PABPC1L: variants seen among roughly 807,000 people sequenced by gnomAD.
PABPC1L encodes the protein polyadenylate-binding protein 1-like.
A neutral mutation model predicts 66.6 loss-of-function variants in PABPC1L; 31 were observed. The ratio of observed to expected loss-of-function variants is 0.47; its 90% CI spans 0.35 to 0.63. The LOEUF is 0.63. Among genes scored for constraint, PABPC1L ranks in the 20% least tolerant of loss-of-function variants. The probability of loss-of-function intolerance (pLI) is 0.00; values close to 1 mark genes in which losing one functional copy is unlikely to be tolerated. For missense variants in PABPC1L, 722 were observed against 848.8 expected, an observed-to-expected ratio of 0.85 and a Z score of 1.86; for synonymous variants, 348 against 335.1, an observed-to-expected ratio of 1.04 and a Z score of -0.42.
intron 13 of PABPC1L, 31 bp downstream of exon 13, chr20:44,938,222 G>C (rs2273357): frequency 6.2e-7 from 1 of 1,605,326 alleles, no homozygotes; most frequent in Non-Finnish European, 8.5e-7. Context: ...CAGGGAGCCC[G>C]AGGGGGCAGG....
chr20:44,935,980 T>G (rs983864948), intron 11 of PABPC1L, among the ~76,000 whole-genome samples: 2 of 152,212 alleles, frequency 1.3e-5, no homozygotes, highest in East Asian at 1.9e-4. Flanking sequence ...ATGTCTATTT[T>G]TTTTTTTGGA....
Position 44,919,815 on chromosome 20 carries a change from C to G in PABPC1L, c.738+538C>G, listed in dbSNP as rs577693503. 7.2e-5 allele frequency among the ~76,000 whole-genome samples: 11 copies of G among 152,322 alleles called. No individual in the cohort carries two copies. In the East Asian group the frequency reaches 2.1e-3, roughly 29 times the overall value. Reference sequence around the variant, plus strand: ...ACAAAACGGCAAGATGCCATCTTCACACACAAAAAGGCTCTCACAGTTAGC... The same window carrying G: ...ACAAAACGGCAAGATGCCATCTTCAGACACAAAAAGGCTCTCACAGTTAGC... On this transcript the variant is annotated intron_variant, in intron 5 of 14. Coordinates refer to ENST00000217073, the MANE Select transcript of PABPC1L (RefSeq NM_001372179.1).
At chr20:44,917,195 G>A (rs2066743649) in intron 3 of PABPC1L, among the ~76,000 whole-genome samples, 1 of 152,038 alleles carries the variant, frequency 6.6e-6, no homozygotes, top group African/African-American at 2.4e-5. Flanking sequence ...TGGGGTGTAT[G>A]TGTGTGTGAC....
At position 44,924,172 on chromosome 20, in the gene PABPC1L, G is replaced by A; in HGVS notation, c.888G>A (p.Leu296=). 2 of 1,613,716 alleles carry A rather than the reference G, an allele frequency of 1.2e-6. No individual in the cohort carries two copies. Among genetic ancestry groups the A allele is most frequent in the South Asian group, 2.2e-5 (2 of 91,086 alleles). Residue 296 remains leucine, a synonymous_variant, in exon 7 of 15, where the codon TTG becomes TTA. Transcript: ENST00000217073. ...CCCTTCCATCCCAGGGTGTGAACTTGTATGTGAAGAATCTGGACGACTCCA... is the reference window on the plus strand; with the variant it reads ...CCCTTCCATCCCAGGGTGTGAACTTATATGTGAAGAATCTGGACGACTCCA... ...DRLRRYQGVN[L]YVKNLDDSID... is the part of the protein sequence containing the mutation.
chr20:44,932,661 C>T, intron 9 of PABPC1L: 1 of 519,234 alleles, frequency 1.9e-6, no homozygotes, highest in Non-Finnish European at 3.4e-6. Context: ...CAGCAGTCAT[C>T]ACCAAAGATG....
intron 11 of PABPC1L, 99 bp from the exon 12 acceptor site, chr20:44,936,538 T>A: frequency 1.0e-6 from 1 of 1,000,590 alleles, no homozygotes; most frequent in South Asian, 1.7e-5. Flanking sequence ...GTTCCCCTCC[T>A]CCAGTGCCTC....
intron 12 of PABPC1L, among the ~76,000 whole-genome samples, chr20:44,937,527 G>C (rs2145585560): frequency 6.6e-6 from 1 of 152,130 alleles, no homozygotes; most frequent in Middle Eastern, 3.4e-3. Flanking sequence ...TGATTCTCCT[G>C]CCTCAGCCTT....
chr20:44,918,911 T>C lies in PABPC1L; in HGVS notation c.509T>C (p.Val170Ala). The C allele has an allele frequency of 6.3e-7, 1 of 1,586,656 alleles. No homozygotes were observed. Among genetic ancestry groups the C allele is most frequent in the Non-Finnish European group, 8.6e-7 (1 of 1,166,526 alleles). The change falls in exon 4 of 15, where the codon GTG becomes GCG. Residue 170 changes from valine (V) to alanine (A), a missense_variant. Physicochemically the swap from Val to Ala is moderately conservative, Grantham distance 64. Around this residue, in one of 3 missense-constraint regions of PABPC1L, gnomAD observed 284 missense variants for 294.8 expected, o/e 0.96. Coordinates refer to ENST00000217073, the MANE Select transcript of PABPC1L (RefSeq NM_001372179.1). ...CCAGTGTGTCATGTCCACAGCTTTG[T>C]GGGTCACTTCAAGTCTCGACGGGAG... ...GMLLNDRKVF[V>A]GHFKSRRERE...
chr20:44,916,244 C>T (rs6103923), intron 2 of PABPC1L, among the ~76,000 whole-genome samples: 36,094 of 151,984 alleles, frequency 0.24, 4,486 homozygotes, highest in Admixed American at 0.31. Flanking sequence ...GTGTTCATTT[C>T]GTTCTCCCTC....
chr20:44,934,489 T>C (rs540596679), intron 10 of PABPC1L, among the ~76,000 whole-genome samples: 1 of 152,220 alleles, frequency 6.6e-6, no homozygotes, highest in African/African-American at 2.4e-5. Flanking sequence ...TTCTCGTTCC[T>C]CCTCCCGCTA....
Position 44,921,584 on chromosome 20 carries a change from CT to C in PABPC1L, c.739-7del, listed in dbSNP as rs772830649. 5 of 1,613,766 alleles carry C rather than the reference CT, an allele frequency of 3.1e-6. No individual in the cohort carries two copies. The African/African-American group carries it at 6.7e-5, about 22-fold the overall frequency. On this transcript the variant is annotated splice_polypyrimidine_tract_variant and intron_variant, in intron 5 of 14. Transcript: ENST00000217073. ...TGGTTACCAAGCATGTTCCCTCCTC[CT>C]TTCCCCAGGCCGTGGTCCATATGAA... is the stretch of plus-strand genomic sequence containing the variant.
chr20:44,925,230 A>AG (rs397864913), intron 7 of PABPC1L, among the ~76,000 whole-genome samples: 6 of 150,572 alleles, frequency 4.0e-5, no homozygotes, highest in African/African-American at 1.5e-4. Context: ...AAAAAAAAAA[A>AG]GCGCCCAGAT....
At chr20:44,933,528 C>A (rs2066878162) in intron 10 of PABPC1L, among the ~76,000 whole-genome samples, 1 of 151,996 alleles carries the variant, frequency 6.6e-6, no homozygotes, top group Admixed American at 6.6e-5. Context: ...TCACTGCAAC[C>A]TCCGCCTCCC....
rs1176208660 is a variant in PABPC1L at position 44,936,625 on chromosome 20, G to T, written c.1567-12G>T. On this transcript the variant is annotated splice_polypyrimidine_tract_variant and intron_variant, in intron 11 of 14. Transcript: ENST00000217073. ...CATGGTGATTAAGGGATGTGTCCCC[G>T]GCACCATGCAGGTCCAGGAGCCGGC... 1 of 1,575,602 alleles carries T rather than the reference G, an allele frequency of 6.3e-7. No individual in the cohort carries two copies. The highest frequency in any genetic ancestry group is 1.2e-5 in the South Asian group (1 of 85,690).
intron 1 of PABPC1L, among the ~76,000 whole-genome samples, chr20:44,910,902 G>T (rs892189300): frequency 6.6e-6 from 1 of 152,208 alleles, no homozygotes; most frequent in African/African-American, 2.4e-5. Flanking sequence ...CCGCAAGGCC[G>T]CTTTCTCAGA....
At chr20:44,913,510 TC>T in intron 2 of PABPC1L, among the ~76,000 whole-genome samples, 1 of 152,082 alleles carries the variant, frequency 6.6e-6, no homozygotes, top group Non-Finnish European at 1.5e-5. Flanking sequence ...GGTTCAAGCC[TC>T]CTGAGTTCAA....
intron 13 of PABPC1L, 125 bp downstream of exon 13, chr20:44,938,316 T>C: frequency 7.8e-7 from 1 of 1,282,096 alleles, no homozygotes; most frequent in Non-Finnish European, 1.0e-6. Flanking sequence ...TGCTAATACC[T>C]GAAGGCCTGC....
At position 44,923,074 on chromosome 20, in the gene PABPC1L, C is replaced by T. The variant is rs74830801; in HGVS notation, c.877-1087C>T. On this transcript the variant is annotated intron_variant, in intron 6 of 14. Coordinates refer to ENST00000217073, the MANE Select transcript of PABPC1L (RefSeq NM_001372179.1). Reference sequence around the variant, plus strand: ...CAGGATGCTATGCTGTACAATTGTGCGGTCTCTGTTCTCTTGTACATTCAT... The same window carrying T: ...CAGGATGCTATGCTGTACAATTGTGTGGTCTCTGTTCTCTTGTACATTCAT... 7.3e-3 allele frequency among the ~76,000 whole-genome samples: 1,111 copies of T among 152,306 alleles called. 55 individuals are homozygous for T. The East Asian group carries it at 0.16, about 21-fold the overall frequency.
Position 44,916,750 on chromosome 20 carries a change from G to A in PABPC1L, c.388-6G>A, listed in dbSNP as rs764366700. 6.2e-7 allele frequency: 1 copy of A among 1,614,038 alleles called. No homozygotes were observed. Among genetic ancestry groups the A allele is most frequent in the South Asian group, 1.1e-5 (1 of 91,082 alleles). On this transcript the variant is annotated splice_region_variant and splice_polypyrimidine_tract_variant and intron_variant, in intron 2 of 14. Coordinates refer to ENST00000217073, the MANE Select transcript of PABPC1L (RefSeq NM_001372179.1). ...ACTCTTCCTGTCCTTCCTCCCTGTGGCCCAGGTGGCGTGTGACGAGCATGG... is the reference window on the plus strand; with the variant it reads ...ACTCTTCCTGTCCTTCCTCCCTGTGACCCAGGTGGCGTGTGACGAGCATGG...
Sources: gnomAD v4.1 joint callset for allele counts (sites outside exome capture counted in the v4.1 genomes callset) on GRCh38, gnomAD v4.1.1 for gene constraint, gnomAD v4.1.1 regional missense constraint, MANE v1.5 for transcripts, NCBI Gene and HGNC (gene_info 2026-07-23, HGNC 2026-07-21) for gene names.